Variants in GLB1L3 observed in about 807,000 individuals in gnomAD.
GLB1L3 encodes galactosidase beta 1 like 3.
GLB1L3 carries 89 observed loss-of-function variants against 89.5 expected under a neutral mutation model. That is an observed-to-expected ratio of 0.99 (90% CI 0.84 to 1.19). The LOEUF (loss-of-function observed/expected upper bound fraction) is 1.19. Among genes scored for constraint, GLB1L3 ranks in the 50% most tolerant of loss-of-function variants. The pLI is 0.00. For synonymous variants in GLB1L3, 314 were observed against 312.3 expected (o/e 1.01, Z -0.06); for missense variants, 812 against 813.3 (o/e 1.00, Z 0.02).
chr11:134,318,537 A>G, intron 18 of GLB1L3, 94 bp from the exon 19 acceptor site: 1 of 725,288 alleles, frequency 1.4e-6, no homozygotes, highest in Non-Finnish European at 2.4e-6. Context: ...AGTGCCATAA[A>G]GTATCTCAAT....
chr11:134,287,247 A>G (rs1941066653), intron 6 of GLB1L3: 1 of 152,268 alleles, frequency 6.6e-6, no homozygotes, highest in East Asian at 1.9e-4. Context: ...ACATGTATGC[A>G]ACGAGGAAAG....
intron 7 of GLB1L3, among the ~76,000 whole-genome samples, 155 bp from the exon 8 acceptor site, chr11:134,291,977 A>C (rs1214705396): frequency 6.6e-6 from 1 of 152,184 alleles, no homozygotes; most frequent in African/African-American, 2.4e-5. Context: ...CCCTGTCTCT[A>C]AAAAAAATTT....
intron 9 of GLB1L3, among the ~76,000 whole-genome samples, chr11:134,301,206 G>A (rs1410763022): frequency 6.6e-6 from 1 of 152,104 alleles, no homozygotes; most frequent in Admixed American, 6.5e-5. Flanking sequence ...TAGGTATTTG[G>A]TTGCTCTGTG....
At chr11:134,302,584 A>G (rs1270978530) in intron 9 of GLB1L3, among the ~76,000 whole-genome samples, 2 of 152,224 alleles carry the variant, frequency 1.3e-5, no homozygotes, top group Non-Finnish European at 2.9e-5. Context: ...TATATCACAC[A>G]GAGAATGTGT....
At chr11:134,295,497 T>C (rs1486990834) in intron 9 of GLB1L3, among the ~76,000 whole-genome samples, 1 of 152,194 alleles carries the variant, frequency 6.6e-6, no homozygotes, top group Non-Finnish European at 1.5e-5. Context: ...GCTAATTTTG[T>C]GTATTTATTT....
chr11:134,281,038 T>G (rs930579436), intron 3 of GLB1L3, among the ~76,000 whole-genome samples: 3 of 152,234 alleles, frequency 2.0e-5, no homozygotes, highest in African/African-American at 7.2e-5. Flanking sequence ...TAGCAAAAAT[T>G]TATAAGGAAG....
chr11:134,309,482 A>C, intron 10 of GLB1L3, 144 bp from the exon 11 acceptor site: 1 of 444,444 alleles, frequency 2.3e-6, no homozygotes, highest in Non-Finnish European at 3.9e-6. Context: ...TAAAGTCTCC[A>C]TTCCCAAGAA....
the GLB1L3 span, among the ~76,000 whole-genome samples, chr11:134,324,759 A>C: frequency 2.0e-5 from 3 of 152,106 alleles, no homozygotes; most frequent in African/African-American, 7.2e-5. Context: ...AATAACAATA[A>C]ATTTGGTATA....
intron 9 of GLB1L3, among the ~76,000 whole-genome samples, chr11:134,293,690 C>T (rs903885390): frequency 6.6e-6 from 1 of 151,810 alleles, no homozygotes; most frequent in African/African-American, 2.4e-5. Flanking sequence ...GAAGGACAAG[C>T]CACAGCCCAG....
rs371408541 is a variant in GLB1L3 at position 134,310,573 on chromosome 11, T to C, written c.1102T>C (p.Tyr368His). The C allele has an allele frequency of 4.9e-5, 79 of 1,612,024 alleles. No homozygotes were observed. Among genetic ancestry groups the C allele is most frequent in the Non-Finnish European group, 6.6e-5 (78 of 1,178,718 alleles). ...TGACTGGCCCTGGTGTCTTGCAGAC[T>C]ATGATGCAGTGCTCACGGAGGCTGG... ...KHSGIVTSYD[Y>H]DAVLTEAGDY... The change falls in exon 12 of 20, where the codon TAT becomes CAT. Residue 368 changes from tyrosine to histidine, a missense_variant and splice_region_variant. Physicochemically the swap from Tyr to His is moderately conservative, Grantham distance 83. Around this residue, in one of 3 missense-constraint regions of GLB1L3, gnomAD observed 618 missense variants for 604.0 expected, o/e 1.02. Coordinates refer to ENST00000431683, the MANE Select transcript of GLB1L3 (RefSeq NM_001080407.3).
intron 9 of GLB1L3, 145 bp downstream of exon 9, chr11:134,293,354 G>A: frequency 1.5e-6 from 1 of 671,200 alleles, no homozygotes; most frequent in Admixed American, 2.9e-5. Context: ...AAGCCATTTT[G>A]GGAGCCTTTT....
rs920342294 is a variant in GLB1L3, at chr11:134,277,799, G to C, written c.249G>C (p.Glu83Asp). ...GGGGTAAGCCCCACTTCACACTGGA[G>C]GGCCACAAGTTCCTGATCTTCGGGG... ...TGRGKPHFTL[E>D]GHKFLIFGGS... Residue 83 changes from glutamate (E) to aspartate (D), a missense_variant, in exon 3 of 20, where the codon GAG becomes GAC. Physicochemically the swap from Glu to Asp is conservative, Grantham distance 45. Around this residue, in one of 3 missense-constraint regions of GLB1L3, gnomAD observed 191 missense variants for 191.4 expected, o/e 1.00. Coordinates refer to ENST00000431683, the MANE Select transcript of GLB1L3 (RefSeq NM_001080407.3). 1 of 1,614,102 alleles carries C rather than the reference G, an allele frequency of 6.2e-7. No individual in the cohort carries two copies. The highest frequency in any genetic ancestry group is 1.3e-5 in the African/African-American group (1 of 75,024).
intron 9 of GLB1L3, among the ~76,000 whole-genome samples, chr11:134,306,406 C>T (rs1038022404): frequency 2.6e-5 from 4 of 152,120 alleles, no homozygotes; most frequent in Non-Finnish European, 5.9e-5. Flanking sequence ...TTGAAGGATG[C>T]AGGAAATGAG....
In GLB1L3 at chr11:134,309,633, A is replaced by G. The variant is rs758493549; in HGVS notation, c.969A>G (p.Glu323=). The G allele has an allele frequency of 1.1e-5, 18 of 1,601,588 alleles. No individual in the cohort carries two copies. In the South Asian group the frequency reaches 1.2e-4, roughly 11 times the overall value. ...TCATGTTCCCCTTTGCAGAGGTTGA[A>G]CATGCTGTGTCTGAATTCATCAAAT... ...KHHVKDAKEV[E]HAVSEFIKYE... The change falls in exon 11 of 20, where the codon GAA becomes GAG. Residue 323 remains glutamate (E), a synonymous_variant. Coordinates refer to ENST00000431683, the MANE Select transcript of GLB1L3 (RefSeq NM_001080407.3).
intron 9 of GLB1L3, among the ~76,000 whole-genome samples, chr11:134,304,732 TCCA>T (rs1942106466): frequency 6.6e-6 from 1 of 152,242 alleles, no homozygotes; most frequent in Non-Finnish European, 1.5e-5. Flanking sequence ...TTTTATGCTC[TCCA>T]TTTATAGAGG....
At chr11:134,309,879 G>A (rs943687322) in intron 11 of GLB1L3, 116 bp downstream of exon 11, 2 of 1,134,520 alleles carry the variant, frequency 1.8e-6, no homozygotes, top group Non-Finnish European at 2.5e-6. Flanking sequence ...TCTATGCTGA[G>A]TACTGAAGAT....
intron 7 of GLB1L3, among the ~76,000 whole-genome samples, chr11:134,291,033 T>C (rs559662860): frequency 6.6e-6 from 1 of 152,196 alleles, no homozygotes; most frequent in South Asian, 2.1e-4. Context: ...GAGACAGTGC[T>C]TTCCCCCAAT....
intron 9 of GLB1L3, among the ~76,000 whole-genome samples, chr11:134,296,586 T>G (rs1210947913): frequency 6.8e-6 from 1 of 146,726 alleles, no homozygotes; most frequent in East Asian, 2.0e-4. Flanking sequence ...GTAAACTATC[T>G]CAAGAACAAA....
At chr11:134,308,499 ATAC>A (rs1565414118) in intron 10 of GLB1L3, among the ~76,000 whole-genome samples, 1 of 5,528 alleles carries the variant, frequency 1.8e-4, no homozygotes, top group Non-Finnish European at 3.7e-4. Flanking sequence ...TCACCACCAA[ATAC>A]CACCACCACC....
Sources: gnomAD v4.1 joint callset for allele counts (sites outside exome capture counted in the v4.1 genomes callset) on GRCh38, gnomAD v4.1.1 for gene constraint, gnomAD v4.1.1 regional missense constraint, MANE v1.5 for transcripts, NCBI Gene and HGNC (gene_info 2026-07-23, HGNC 2026-07-21) for gene names.